The following FSD2 variants were observed in gnomAD, a reference collection of about 807,000 sequenced individuals.
FSD2 encodes the protein fibronectin type III and SPRY domain containing 2, also known as fibronectin type III and SPRY domain-containing protein 2.
A neutral mutation model predicts 80.4 loss-of-function variants in FSD2; 71 were observed. The observed-to-expected ratio is 0.88, with a 90% CI of 0.73 to 1.08. The LOEUF (loss-of-function observed/expected upper bound fraction) is 1.08. Ranked by LOEUF, FSD2 falls within the 50% of genes least tolerant of loss-of-function variation. The probability of loss-of-function intolerance (pLI) is 0.00; values close to 1 mark genes in which losing one functional copy is unlikely to be tolerated. For missense variants in FSD2, 923 were observed against 913.8 expected, an observed-to-expected ratio of 1.01 and a Z score of -0.13; for synonymous variants, 361 against 329.5, an observed-to-expected ratio of 1.10 and a Z score of -1.03.
At chr15:82,775,817 A>C (rs1340532787) in intron 6 of FSD2, among the ~76,000 whole-genome samples, 1 of 152,140 alleles carries the variant, frequency 6.6e-6, no homozygotes, top group East Asian at 1.9e-4. Flanking sequence ...GCATCCCATA[A>C]GTTTTGGTAT....
At chr15:82,782,107 A>T (rs867524741) in intron 4 of FSD2, among the ~76,000 whole-genome samples, 4 of 56,580 alleles carry the variant, frequency 7.1e-5, no homozygotes, top group African/African-American at 3.0e-4. Context: ...ATAATAATAA[A>T]ACTCTTGGCC....
At position 82,772,075 on chromosome 15, in the gene FSD2, G is replaced by T; in HGVS notation, c.1265C>A (p.Ala422Glu). The T allele has an allele frequency of 6.4e-7, 1 of 1,561,734 alleles. No homozygotes were observed. The highest frequency in any genetic ancestry group is 2.2e-5 in the East Asian group (1 of 44,462). The part of the protein sequence containing the change: ...VQDSSPGTDQ[A>E]EFTVTVKETY... ...GCATGTTCCTGGCAGAGCCTCACCT[G>T]CTTGGTCCGTCCCAGGTGAGCTGTC... The change falls in exon 7 of 13, where the codon GCA (alanine) becomes GAA (glutamate). Residue 422 changes from alanine to glutamate, a missense_variant and splice_region_variant. Coordinates refer to ENST00000334574, the MANE Select transcript of FSD2 (RefSeq NM_001007122.4).
chr15:82,799,081 T>C (rs777761966), intron 1 of FSD2, among the ~76,000 whole-genome samples: 68 of 152,144 alleles, frequency 4.5e-4, no homozygotes, highest in Non-Finnish European at 1.8e-4. Context: ...TCTCACTATG[T>C]TGCCCAGGCT....
At chr15:82,790,189 G>GACAACA (rs72034718) in intron 1 of FSD2, among the ~76,000 whole-genome samples, 62 of 151,512 alleles carry the variant, frequency 4.1e-4, no homozygotes, top group Middle Eastern at 3.4e-3. Context: ...CAACAACAAC[G>GACAACA]ACAACAACAA....
Position 82,759,574 on chromosome 15 carries a change from C to A in FSD2, c.2024G>T (p.Arg675Ile). 1 of 1,595,036 alleles carries A rather than the reference C, an allele frequency of 6.3e-7. No individual in the cohort carries two copies. Among genetic ancestry groups the A allele is most frequent in the Non-Finnish European group, 8.5e-7 (1 of 1,169,788 alleles). The change falls in exon 13 of 13, where the codon AGA becomes ATA. Residue 675 changes from arginine (R) to isoleucine (I), a missense_variant. Transcript: ENST00000334574. ...TGTTATTCTTATATCTGGAGTTGTT[C>A]TGTTGTGCAGAAATTCATACTTATG... ...SRHKYEFLHNRTTPDIRITVP... is the reference protein window; with the variant it reads ...SRHKYEFLHNITTPDIRITVP...
At chr15:82,759,760 A>C (rs2049247007) in intron 12 of FSD2, among the ~76,000 whole-genome samples, 160 bp from the exon 13 acceptor site, 1 of 152,006 alleles carries the variant, frequency 6.6e-6, no homozygotes, top group Admixed American at 6.6e-5. Flanking sequence ...TATACTCTCT[A>C]AACTATCTCT....
Position 82,787,164 on chromosome 15 carries a change from T to C in FSD2, c.227A>G (p.His76Arg). The change falls in exon 2 of 13, where the codon CAC becomes CGC. Residue 76 changes from histidine (H) to arginine (R), a missense_variant. Coordinates refer to ENST00000334574, the MANE Select transcript of FSD2 (RefSeq NM_001007122.4). ...DLQEEVDELV[H>R]LYGLEDDHEL... ...ATGATCATCTTCAAGTCCATATAAG[T>C]GGACAAGTTCATCCACTTCCTCTTG... 1 of 1,614,020 alleles carries C rather than the reference T, an allele frequency of 6.2e-7. No individual in the cohort carries two copies. The highest frequency in any genetic ancestry group is 8.5e-7 in the Non-Finnish European group (1 of 1,179,880).
At chr15:82,781,543 T>A (rs2049855119) in intron 4 of FSD2, among the ~76,000 whole-genome samples, 1 of 152,182 alleles carries the variant, frequency 6.6e-6, no homozygotes, top group Non-Finnish European at 1.5e-5. Context: ...TGAAGAAATC[T>A]GACTGAGATT....
chr15:82,772,941 G>A (rs1038214978), intron 6 of FSD2, among the ~76,000 whole-genome samples: 4 of 152,114 alleles, frequency 2.6e-5, no homozygotes, highest in Non-Finnish European at 5.9e-5. Flanking sequence ...TCCACATCCC[G>A]ATTCAAGTGA....
In FSD2 at chr15:82,780,280, A is replaced by C. The variant is rs561000390; in HGVS notation, c.967-13T>G. ...TAGCCACTGCATCCTAAAAAGGAAA[A>C]AGAGAAAATATTAAGTTGATTTTGG... On this transcript the variant is annotated splice_polypyrimidine_tract_variant and intron_variant, in intron 4 of 12. Coordinates refer to ENST00000334574, the MANE Select transcript of FSD2 (RefSeq NM_001007122.4). 2.7e-6 allele frequency: 4 copies of C among 1,470,716 alleles called. No homozygotes were observed. In the Admixed American group the frequency reaches 1.0e-4, roughly 37 times the overall value. 91.1% of individuals were successfully genotyped at this position (1,470,716 alleles called of 1,614,324 possible). A position where few individuals can be genotyped will look rare whatever the true frequency, so the allele number is the denominator to read the frequency against.
intron 1 of FSD2, among the ~76,000 whole-genome samples, chr15:82,803,278 G>A (rs1218795081): frequency 6.6e-6 from 1 of 152,108 alleles, no homozygotes; most frequent in Non-Finnish European, 1.5e-5. Context: ...TTCCTCAGGG[G>A]TGTCCCTGCC....
chr15:82,805,734 T>C (rs1368164468), intron 1 of FSD2, among the ~76,000 whole-genome samples: 1 of 152,216 alleles, frequency 6.6e-6, no homozygotes, highest in African/African-American at 2.4e-5. Flanking sequence ...CCAGCCCCTG[T>C]CTGCCTTCAT....
At chr15:82,762,302 G>T in intron 11 of FSD2, 24 bp from the exon 12 acceptor site, 1 of 1,608,174 alleles carries the variant, frequency 6.2e-7, no homozygotes, top group Non-Finnish European at 8.5e-7. Flanking sequence ...GTGGAAGCAT[G>T]TGTGATCTGG....
Position 82,762,090 on chromosome 15 carries a change from AT to A in FSD2, c.1997+11del. On this transcript the variant is annotated intron_variant, in intron 12 of 12. Coordinates refer to ENST00000334574, the MANE Select transcript of FSD2 (RefSeq NM_001007122.4). The stretch of plus-strand genomic sequence containing the variant: ...GCAAATTTTAATTGTGAGTATCCAG[AT>A]TTTACTTTACCTTGATGATGCAAAT... The A allele has an allele frequency of 6.4e-7, 1 of 1,564,746 alleles. No individual in the cohort carries two copies. Among genetic ancestry groups the A allele is most frequent in the South Asian group, 1.2e-5 (1 of 83,794 alleles).
Position 82,772,114 on chromosome 15 carries a change from TAGGAC to T in FSD2, c.1221_1225del (p.Ser408ProfsTer36). ...AGGTGAGCTGTCCTGCACTGGCCGGTAGGACAGCTGATAGCTCTCCACAGTGTCGT... is the reference window on the plus strand; with the variant it reads ...AGGTGAGCTGTCCTGCACTGGCCGGTAGCTGATAGCTCTCCACAGTGTCGT... On this transcript the variant is annotated frameshift_variant, in exon 7 of 13. Coordinates refer to ENST00000334574, the MANE Select transcript of FSD2 (RefSeq NM_001007122.4). LOFTEE classifies it high-confidence loss of function. 6.2e-7 allele frequency: 1 copy of T among 1,605,650 alleles called. No homozygotes were observed. Among genetic ancestry groups the T allele is most frequent in the Non-Finnish European group, 8.5e-7 (1 of 1,176,826 alleles).
At chr15:82,774,163 C>G (rs1428269349) in intron 6 of FSD2, among the ~76,000 whole-genome samples, 2 of 152,204 alleles carry the variant, frequency 1.3e-5, no homozygotes, top group African/African-American at 4.8e-5. Context: ...CAGCCTTACT[C>G]TTGGGCTCAA....
chr15:82,779,632 C>T (rs1355097366), intron 5 of FSD2, among the ~76,000 whole-genome samples: 1 of 150,588 alleles, frequency 6.6e-6, no homozygotes, highest in Non-Finnish European at 1.5e-5. Context: ...TGCCATTGCA[C>T]TCCAGCCTGG....
rs1237123694 is a variant in FSD2, at chr15:82,759,411, T to C, written c.2187A>G (p.Glu729=). 4 of 1,613,810 alleles carry C rather than the reference T, an allele frequency of 2.5e-6. No individual in the cohort carries two copies. Among genetic ancestry groups the C allele is most frequent in the Non-Finnish European group, 2.5e-6 (3 of 1,179,810 alleles). Residue 729 remains glutamate, a synonymous_variant, in exon 13 of 13, where the codon GAA becomes GAG. Transcript: ENST00000334574. ...HEFVHPCFSL[E]KPGCLKVHNG... is the part of the protein sequence containing the mutation. ...TATGTACCTTTAGACACCCAGGCTT[T>C]TCCAAAGAAAAACAGGGATGCACAA... is the stretch of plus-strand genomic sequence containing the variant.
At position 82,782,951 on chromosome 15, in the gene FSD2, A is replaced by G. The variant is rs751057839; in HGVS notation, c.810T>C (p.Tyr270=). Residue 270 remains tyrosine, a synonymous_variant, in exon 4 of 13, where the codon TAT becomes TAC. Transcript: ENST00000334574. ...NEILETLAQK[Y]EEKIQALGEK... is the part of the protein sequence containing the mutation. ...CCCCTAGAGCTTGTATTTTTTCCTCATATTTTTGAGCAAGTGTTTCCAAGA... is the reference window on the plus strand; with the variant it reads ...CCCCTAGAGCTTGTATTTTTTCCTCGTATTTTTGAGCAAGTGTTTCCAAGA... The G allele has an allele frequency of 1.8e-5, 29 of 1,613,398 alleles. No homozygotes were observed. The highest frequency in any genetic ancestry group is 2.2e-5 in the Non-Finnish European group (26 of 1,179,834).
Sources: gnomAD v4.1 joint callset for allele counts (sites outside exome capture counted in the v4.1 genomes callset) on GRCh38, gnomAD v4.1.1 for gene constraint, MANE v1.5 for transcripts, NCBI Gene and HGNC (gene_info 2026-07-23, HGNC 2026-07-21) for gene names.